Variants in NAALADL2 observed in about 807,000 individuals in gnomAD.
NAALADL2 encodes inactive N-acetylated-alpha-linked acidic dipeptidase-like protein 2.
In NAALADL2, 76 loss-of-function variants were observed where a neutral mutation model predicts 87.2. That is an observed-to-expected ratio of 0.87 (90% CI 0.72 to 1.05). The LOEUF is 1.05. NAALADL2 is among the 50% of genes least tolerant of loss of function. The pLI is 0.00. For missense variants in NAALADL2, 1,089 were observed against 945.8 expected, an observed-to-expected ratio of 1.15 and a Z score of -1.99; for synonymous variants, 354 against 331.0, an observed-to-expected ratio of 1.07 and a Z score of -0.75.
At chr3:175,462,637 A>G (rs1003537268) in intron 6 of NAALADL2, among the ~76,000 whole-genome samples, 10 of 152,124 alleles carry the variant, frequency 6.6e-5, no homozygotes, top group African/African-American at 2.4e-4. Context: ...GATCCTGTGA[A>G]CCACTTCCCA....
intron 1 of NAALADL2, among the ~76,000 whole-genome samples, chr3:174,481,685 C>T (rs925216932): frequency 6.6e-6 from 1 of 152,048 alleles, no homozygotes; most frequent in South Asian, 2.1e-4. Context: ...GGATACCAAA[C>T]AAAATCAGCA....
intron 2 of NAALADL2, among the ~76,000 whole-genome samples, chr3:175,098,698 A>T (rs1461258): frequency 0.58 from 88,618 of 151,802 alleles, 25,913 homozygotes; most frequent in African/African-American, 0.64. Context: ...CTGGAGCAGA[A>T]AAAGGGAAAG....
At chr3:174,710,134 G>A (rs1730477281) in intron 2 of NAALADL2, among the ~76,000 whole-genome samples, 2 of 151,364 alleles carry the variant, frequency 1.3e-5, no homozygotes, top group African/African-American at 4.9e-5. Flanking sequence ...AGGTACTGCT[G>A]TGAAAAGATT....
chr3:175,323,332 C>T (rs1446915431), intron 4 of NAALADL2, among the ~76,000 whole-genome samples: 5 of 96,728 alleles, frequency 5.2e-5, no homozygotes, highest in African/African-American at 2.1e-4. Flanking sequence ...ACTCTGGGGA[C>T]TGTGGTGGGG....
chr3:175,167,654 A>T (rs1384370425), intron 2 of NAALADL2, among the ~76,000 whole-genome samples: 1 of 152,076 alleles, frequency 6.6e-6, no homozygotes, highest in African/African-American at 2.4e-5. Flanking sequence ...TGACACATCT[A>T]TGAATGCTGA....
At chr3:175,794,109 G>T (rs1353156934) in intron 13 of NAALADL2, among the ~76,000 whole-genome samples, 1 of 152,236 alleles carries the variant, frequency 6.6e-6, no homozygotes, top group East Asian at 1.9e-4. Flanking sequence ...AATGGAAAAA[G>T]GACAATGCAA....
chr3:175,449,394 C>CTTCTTT (rs1212551637), intron 6 of NAALADL2, among the ~76,000 whole-genome samples: 771 of 48,550 alleles, frequency 0.016, 13 homozygotes, highest in African/African-American at 0.041. Context: ...TAATTTTCTT[C>CTTCTTT]TTTTTTTTTT....
At position 175,323,188 on chromosome 3, in the gene NAALADL2, G is replaced by C. The variant is rs1398013393; in HGVS notation, c.940-987G>C. On this transcript the variant is annotated intron_variant, in intron 4 of 13. Coordinates refer to ENST00000454872, the MANE Select transcript of NAALADL2 (RefSeq NM_207015.3). ...AAATGATGAGTTCATGTCCTTTGTA[G>C]GGACATGGATGAAGCTGGAAACCAT... Among the ~76,000 whole-genome samples the C allele has an allele frequency of 2.0e-3, 299 of 150,334 alleles. 1 individual carries two copies. The highest frequency in any genetic ancestry group is 3.5e-3 in the Non-Finnish European group (240 of 67,702).
intron 3 of NAALADL2, among the ~76,000 whole-genome samples, chr3:174,748,401 C>T (rs1302752274): frequency 1.3e-5 from 2 of 151,176 alleles, no homozygotes; most frequent in African/African-American, 4.9e-5. Flanking sequence ...AACCAATTCT[C>T]ATCCTGGATG....
At position 174,518,026 on chromosome 3, in the gene NAALADL2, T is replaced by C. The variant is rs1720038848; in HGVS notation, c.-183-32543T>C. On this transcript the variant is annotated intron_variant, in intron 1 of 3. Coordinates refer to the NAALADL2 transcript ENST00000434257. ...GGTAATTAACAGATGGTATCCATGC[T>C]GATAAGTAAAAAATTGCACAGACTC... Among the ~76,000 whole-genome samples the C allele has an allele frequency of 2.6e-5, 4 of 152,256 alleles. No homozygotes were observed. In the South Asian group the frequency reaches 8.3e-4, roughly 32 times the overall value.
intron 9 of NAALADL2, among the ~76,000 whole-genome samples, chr3:175,528,723 A>G (rs115521691): frequency 1.4e-4 from 21 of 152,326 alleles, no homozygotes; most frequent in African/African-American, 4.8e-4. Context: ...CCCAATTCAA[A>G]TACTATTATA....
chr3:175,277,851 A>G (rs963218787), intron 4 of NAALADL2, among the ~76,000 whole-genome samples: 2 of 152,046 alleles, frequency 1.3e-5, no homozygotes, highest in African/African-American at 2.4e-5. Flanking sequence ...TTCTTTTACT[A>G]CTCAAATTCT....
chr3:175,380,411 C>T (rs533519640), intron 5 of NAALADL2, among the ~76,000 whole-genome samples: 11 of 152,164 alleles, frequency 7.2e-5, no homozygotes, highest in Non-Finnish European at 1.6e-4. Context: ...TGACACTTTT[C>T]AGTGTCAGCA....
At chr3:175,443,899 G>C (rs986394818) in intron 5 of NAALADL2, among the ~76,000 whole-genome samples, 2 of 152,192 alleles carry the variant, frequency 1.3e-5, no homozygotes, top group African/African-American at 4.8e-5. Context: ...GGTTGCCAGA[G>C]AAAGCTTCAC....
rs572127040 is a variant in NAALADL2, at chr3:175,426,243, A to G, written c.1091-20986A>G. Among the ~76,000 whole-genome samples, 164 of 152,198 alleles carry G rather than the reference A, an allele frequency of 1.1e-3. 1 individual carries two copies. The highest frequency in any genetic ancestry group is 3.7e-3 in the African/African-American group (155 of 41,540). ...CTGGACGTGGTGGCAGGTGCCTCTA[A>G]TCCCAGCTACTTGGGAGGCCGAGGC... On this transcript the variant is annotated intron_variant, in intron 5 of 13. Transcript: ENST00000454872.
intron 1 of NAALADL2, among the ~76,000 whole-genome samples, chr3:175,036,590 G>A (rs1212132393): frequency 6.6e-6 from 1 of 151,728 alleles, no homozygotes; most frequent in East Asian, 1.9e-4. Flanking sequence ...TAGTAGAGAC[G>A]GGGTTTCACC....
At chr3:175,693,362 C>A (rs1004875378) in intron 11 of NAALADL2, among the ~76,000 whole-genome samples, 1 of 152,094 alleles carries the variant, frequency 6.6e-6, no homozygotes, top group African/African-American at 2.4e-5. Flanking sequence ...AATTCCACCC[C>A]AAATCACATT....
chr3:175,481,539 G>C (rs1726470626), intron 9 of NAALADL2, among the ~76,000 whole-genome samples: 2 of 151,806 alleles, frequency 1.3e-5, no homozygotes, highest in South Asian at 2.1e-4. Flanking sequence ...AAAATGGTTT[G>C]ACTATTTTTT....
At chr3:175,114,563 C>A (rs1400390636) in intron 2 of NAALADL2, among the ~76,000 whole-genome samples, 1 of 151,582 alleles carries the variant, frequency 6.6e-6, no homozygotes, top group African/African-American at 2.4e-5. Flanking sequence ...TAGAGCACTG[C>A]AAAACTAGCT....
Sources: allele counts gnomAD v4.1 joint callset (sites outside exome capture counted in the v4.1 genomes callset), GRCh38; gene constraint gnomAD v4.1.1; transcripts MANE v1.5; gene names NCBI Gene and HGNC (gene_info 2026-07-23, HGNC 2026-07-21).